The following LRRC4C variants were observed in gnomAD, a reference collection of about 807,000 sequenced individuals.
LRRC4C encodes the protein leucine rich repeat containing 4C.
Under a neutral mutation model 33.6 loss-of-function variants are expected in LRRC4C, and 5 were observed. The observed-to-expected ratio is 0.15, with a 90% confidence interval of 0.08 to 0.31. The LOEUF is 0.31. LRRC4C is among the 10% of genes least tolerant of loss of function. The probability of loss-of-function intolerance (pLI) is 1.00; values close to 1 mark genes in which losing one functional copy is unlikely to be tolerated. For missense variants in LRRC4C, 560 were observed against 796.7 expected (o/e 0.70, Z 3.58); for synonymous variants, 329 against 302.0 (o/e 1.09, Z -0.93).
At chr11:41,217,811 G>C (rs1303309032) in intron 1 of LRRC4C, among the ~76,000 whole-genome samples, 2 of 151,754 alleles carry the variant, frequency 1.3e-5, no homozygotes, top group African/African-American at 4.9e-5. Flanking sequence ...AATTGATGTA[G>C]CAATATTGCA....
chr11:41,129,569 G>A (rs921138428), intron 1 of LRRC4C, among the ~76,000 whole-genome samples: 2 of 151,398 alleles, frequency 1.3e-5, no homozygotes, highest in African/African-American at 4.9e-5. Context: ...AAATTCAAAT[G>A]GATTCTTCAA....
chr11:41,442,712 G>A (rs904350754), intron 1 of LRRC4C, among the ~76,000 whole-genome samples: 3 of 151,880 alleles, frequency 2.0e-5, no homozygotes, highest in East Asian at 1.9e-4. Context: ...CTCGTGATCC[G>A]CCCGCCTTTG....
intron 1 of LRRC4C, among the ~76,000 whole-genome samples, chr11:41,194,654 C>A (rs1456817477): frequency 1.3e-5 from 2 of 152,032 alleles, no homozygotes; most frequent in South Asian, 2.1e-4. Flanking sequence ...CCACAAGGAA[C>A]AAAACGATGC....
chr11:40,880,150 C>T (rs746598614), intron 2 of LRRC4C, among the ~76,000 whole-genome samples: 3 of 152,046 alleles, frequency 2.0e-5, no homozygotes, highest in South Asian at 2.1e-4. Context: ...ACTAGAGCCG[C>T]CTGCCAGACC....
intron 3 of LRRC4C, among the ~76,000 whole-genome samples, chr11:40,583,166 C>T (rs1958553623): frequency 6.6e-6 from 1 of 152,248 alleles, no homozygotes; most frequent in South Asian, 2.1e-4. Flanking sequence ...TTCCCGTTCT[C>T]GGGTGACCAC....
chr11:40,409,808 G>A (rs1256419409), intron 3 of LRRC4C, among the ~76,000 whole-genome samples: 1 of 151,984 alleles, frequency 6.6e-6, no homozygotes, highest in East Asian at 1.9e-4. Context: ...TAAGCATTAT[G>A]GGAAATGATA....
chr11:41,267,055 T>C (rs946606106), intron 1 of LRRC4C, among the ~76,000 whole-genome samples: 1 of 152,160 alleles, frequency 6.6e-6, no homozygotes, highest in African/African-American at 2.4e-5. Context: ...AAATTCCATA[T>C]GTTCTTGGCT....
intron 4 of LRRC4C, among the ~76,000 whole-genome samples, chr11:40,300,581 G>A (rs1944724927): frequency 6.6e-6 from 1 of 152,112 alleles, no homozygotes; most frequent in Admixed American, 6.6e-5. Context: ...TTGATTCCAG[G>A]ATCCCAGCAG....
chr11:40,532,081 T>C (rs10437647), intron 3 of LRRC4C, among the ~76,000 whole-genome samples: 12,885 of 149,648 alleles, frequency 0.086, 1,597 homozygotes, highest in African/African-American at 0.28. Flanking sequence ...TAGAAACCAT[T>C]GCACTCGTAG....
chr11:41,080,491 A>G (rs1939492712), intron 1 of LRRC4C, among the ~76,000 whole-genome samples: 1 of 151,934 alleles, frequency 6.6e-6, no homozygotes, highest in African/African-American at 2.4e-5. Flanking sequence ...AGCTGGGATT[A>G]CAGGCATGTG....
Position 40,282,301 on chromosome 11 carries a change from C to T in LRRC4C, c.-176+37327G>A, listed in dbSNP as rs1396423236. 3.3e-5 allele frequency among the ~76,000 whole-genome samples: 5 copies of T among 152,056 alleles called. No individual in the cohort carries two copies. The East Asian group carries it at 9.7e-4, about 29-fold the overall frequency. ...TGGAGGTTGCAGTAAGCCGAGATCGCACCACTGCACTCCAGCCTGGGTGAC... is the reference window on the plus strand; with the variant it reads ...TGGAGGTTGCAGTAAGCCGAGATCGTACCACTGCACTCCAGCCTGGGTGAC... On this transcript the variant is annotated intron_variant, in intron 4 of 6. Coordinates refer to ENST00000528697, the MANE Select transcript of LRRC4C (RefSeq NM_001258419.2).
chr11:40,864,483 G>T (rs1175306211), intron 2 of LRRC4C, among the ~76,000 whole-genome samples: 1 of 152,178 alleles, frequency 6.6e-6, no homozygotes, highest in East Asian at 1.9e-4. Context: ...GAACTGAGTA[G>T]TTGAGACAGA....
At chr11:40,271,767 T>C (rs1172495077) in intron 4 of LRRC4C, among the ~76,000 whole-genome samples, 10 of 152,196 alleles carry the variant, frequency 6.6e-5, no homozygotes, top group Admixed American at 6.5e-4. Context: ...GAAGAACTCT[T>C]GTGTGGCTCA....
intron 4 of LRRC4C, among the ~76,000 whole-genome samples, chr11:40,279,649 T>C (rs1274720859): frequency 6.6e-6 from 1 of 152,184 alleles, no homozygotes; most frequent in Non-Finnish European, 1.5e-5. Context: ...ATCATGCTTA[T>C]GTCACACATA....
chr11:40,144,741 G>T (rs551458740), intron 5 of LRRC4C, among the ~76,000 whole-genome samples: 1 of 152,272 alleles, frequency 6.6e-6, no homozygotes, highest in African/African-American at 2.4e-5. Context: ...TGTGATTAAG[G>T]TTTAATAAAA....
chr11:40,143,737 C>A (rs1288763502), intron 5 of LRRC4C, among the ~76,000 whole-genome samples: 1 of 152,158 alleles, frequency 6.6e-6, no homozygotes, highest in African/African-American at 2.4e-5. Flanking sequence ...TCCCCTTATT[C>A]TGTTTTATTT....
At chr11:41,214,461 A>C (rs1212998615) in intron 1 of LRRC4C, among the ~76,000 whole-genome samples, 1 of 149,820 alleles carries the variant, frequency 6.7e-6, no homozygotes, top group African/African-American at 2.4e-5. Flanking sequence ...TGCAGGCGCG[A>C]TGGCTCACGC....
Position 41,284,300 on chromosome 11 carries a change from T to C in LRRC4C, c.-496+175131A>G, listed in dbSNP as rs533719012. On this transcript the variant is annotated intron_variant, in intron 1 of 6. Coordinates refer to ENST00000528697, the MANE Select transcript of LRRC4C (RefSeq NM_001258419.2). The stretch of plus-strand genomic sequence containing the variant: ...GAAACACTTCTGTGAAAGTGCGTTT[T>C]ACATAGAAAATGAGCACACAAATGT... 6.6e-5 allele frequency among the ~76,000 whole-genome samples: 10 copies of C among 152,370 alleles called. No homozygotes were observed. In the South Asian group the frequency reaches 1.9e-3, roughly 28 times the overall value.
chr11:41,203,463 AT>A (rs1418624406), intron 1 of LRRC4C, among the ~76,000 whole-genome samples: 1 of 152,150 alleles, frequency 6.6e-6, no homozygotes, highest in Non-Finnish European at 1.5e-5. Context: ...TTCTAAAGCT[AT>A]TGGTTTTAGA....
Sources: allele counts gnomAD v4.1 joint callset (sites outside exome capture counted in the v4.1 genomes callset), GRCh38; gene constraint gnomAD v4.1.1; transcripts MANE v1.5; gene names NCBI Gene and HGNC (gene_info 2026-07-23, HGNC 2026-07-21).